Variants in ELAPOR2 observed in about 807,000 individuals in gnomAD.
ELAPOR2 encodes the protein endosome/lysosome-associated apoptosis and autophagy regulator family member 2.
A neutral mutation model predicts 120.7 loss-of-function variants in ELAPOR2; 89 were observed. The ratio of observed to expected loss-of-function variants is 0.74; its 90% confidence interval spans 0.62 to 0.88. ELAPOR2 has a LOEUF of 0.88. Ranked by LOEUF, ELAPOR2 falls within the 40% of genes least tolerant of loss-of-function variation. ELAPOR2 has a pLI of 0.00. For synonymous variants in ELAPOR2, 444 were observed against 444.9 expected (o/e 1.00, Z 0.03); for missense variants, 1,134 against 1,251.6 (o/e 0.91, Z 1.42).
chr7:87,047,202 C>G (rs1362940990), intron 1 of ELAPOR2, among the ~76,000 whole-genome samples: 3 of 152,140 alleles, frequency 2.0e-5, no homozygotes, highest in Admixed American at 6.5e-5. Flanking sequence ...TGGATTAAAA[C>G]TTAAATCGAA....
intron 3 of ELAPOR2, among the ~76,000 whole-genome samples, chr7:86,946,240 A>G (rs1791003610): frequency 1.3e-5 from 2 of 152,142 alleles, no homozygotes; most frequent in African/African-American, 4.8e-5. Flanking sequence ...AGACTTAACA[A>G]TACAAATGTT....
chr7:86,948,721 G>C (rs1791109560), intron 2 of ELAPOR2, among the ~76,000 whole-genome samples: 1 of 151,768 alleles, frequency 6.6e-6, no homozygotes, highest in African/African-American at 2.4e-5. Context: ...GTGAAGAATA[G>C]TTGACACACT....
chr7:86,969,981 G>A (rs924213761), intron 1 of ELAPOR2, among the ~76,000 whole-genome samples: 4 of 152,182 alleles, frequency 2.6e-5, no homozygotes, highest in African/African-American at 9.7e-5. Context: ...GTGGTAAGCA[G>A]CAAGATCAAG....
chr7:86,999,517 G>A, intron 1 of ELAPOR2, among the ~76,000 whole-genome samples: 1 of 152,030 alleles, frequency 6.6e-6, no homozygotes, highest in East Asian at 1.9e-4. Flanking sequence ...GCAGAGTAAA[G>A]AATAAAAATG....
intron 19 of ELAPOR2, among the ~76,000 whole-genome samples, chr7:86,894,330 G>A (rs1449072529): frequency 6.6e-6 from 1 of 151,950 alleles, no homozygotes; most frequent in Non-Finnish European, 1.5e-5. Context: ...GAAATGCTGA[G>A]GCATGTTCAA....
intron 1 of ELAPOR2, among the ~76,000 whole-genome samples, chr7:87,022,147 T>A (rs1368581331): frequency 1.3e-5 from 2 of 152,104 alleles, no homozygotes. Flanking sequence ...GTTACATATG[T>A]ATACATGTGC....
At position 86,979,853 on chromosome 7, in the gene ELAPOR2, T is replaced by C. The variant is rs148586512; in HGVS notation, c.190-14829A>G. On this transcript the variant is annotated intron_variant, in intron 1 of 21. Coordinates refer to ENST00000450689, the MANE Select transcript of ELAPOR2 (RefSeq NM_001142749.3). ...GGGTGTCCAAGGGAGAGAATACAGT[T>C]GTGGGTTCTTCGTTTCTGTTTCTGG... Among the ~76,000 whole-genome samples the C allele has an allele frequency of 8.4e-3, 1,278 of 152,304 alleles. 21 individuals carry two copies. The highest frequency in any genetic ancestry group is 0.03 in the African/African-American group (1,229 of 41,554).
rs116320529 is a variant in ELAPOR2 at position 86,937,195 on chromosome 7, A to G, written c.1089+931T>C. 2.5e-3 allele frequency among the ~76,000 whole-genome samples: 373 copies of G among 152,160 alleles called. 1 individual carries two copies. The highest frequency in any genetic ancestry group is 8.7e-3 in the African/African-American group (361 of 41,530). The stretch of plus-strand genomic sequence containing the variant: ...AATAGTTGTACTTCTTATCATTGCA[A>G]TTTGCCACTAATTTAAACTAGAATG... On this transcript the variant is annotated intron_variant, in intron 8 of 21. Transcript: ENST00000450689.
chr7:86,993,418 A>C lies in ELAPOR2; in HGVS notation c.190-28394T>G, dbSNP rs1250006869. 2.0e-5 allele frequency among the ~76,000 whole-genome samples: 3 copies of C among 152,124 alleles called. 1 individual carries two copies. The highest frequency in any genetic ancestry group is 2.0e-4 in the Admixed American group (3 of 15,274). ...ACATAGCCCTGCCCTCTAGAGGAAC[A>C]AATAGAGGAATCAAAGAGATGAGTT... On this transcript the variant is annotated intron_variant, in intron 1 of 21. Coordinates refer to ENST00000450689, the MANE Select transcript of ELAPOR2 (RefSeq NM_001142749.3).
chr7:86,886,844 T>C (rs1457774042), intron 21 of ELAPOR2, among the ~76,000 whole-genome samples: 1 of 152,106 alleles, frequency 6.6e-6, no homozygotes, highest in Non-Finnish European at 1.5e-5. Flanking sequence ...GAGGTTCTAC[T>C]ACATGTTGGG....
chr7:86,958,667 T>G (rs1314243949), intron 2 of ELAPOR2, among the ~76,000 whole-genome samples: 1 of 152,162 alleles, frequency 6.6e-6, no homozygotes, highest in Non-Finnish European at 1.5e-5. Context: ...TTCATCCTGT[T>G]TCCTATACCT....
chr7:86,954,511 G>A (rs1301050027), intron 2 of ELAPOR2, among the ~76,000 whole-genome samples: 1 of 152,028 alleles, frequency 6.6e-6, no homozygotes, highest in Non-Finnish European at 1.5e-5. Context: ...AACAGCAATA[G>A]TAAGTAATAA....
chr7:87,010,909 T>C (rs1319926634), intron 1 of ELAPOR2, among the ~76,000 whole-genome samples: 1 of 152,028 alleles, frequency 6.6e-6, no homozygotes, highest in Non-Finnish European at 1.5e-5. Flanking sequence ...ATGTTACTTT[T>C]AAAATAAAGG....
intron 9 of ELAPOR2, among the ~76,000 whole-genome samples, chr7:86,926,375 GA>G (rs1280632814): frequency 1.3e-5 from 2 of 151,956 alleles, no homozygotes; most frequent in African/African-American, 4.8e-5. Flanking sequence ...TCTCAATGAT[GA>G]TGAGCCAGAT....
chr7:87,054,191 C>T (rs1795197044), intron 1 of ELAPOR2, among the ~76,000 whole-genome samples: 1 of 151,934 alleles, frequency 6.6e-6, no homozygotes. Context: ...GAAAAGCAAC[C>T]AAAATGTGGC....
chr7:86,995,565 A>T (rs1034209900), intron 1 of ELAPOR2, among the ~76,000 whole-genome samples: 2 of 152,206 alleles, frequency 1.3e-5, no homozygotes, highest in African/African-American at 4.8e-5. Context: ...AAGCTATATG[A>T]TGCAATAACA....
intron 1 of ELAPOR2, among the ~76,000 whole-genome samples, chr7:86,980,217 T>A (rs1767715): frequency 0.38 from 57,538 of 152,062 alleles, 11,726 homozygotes; most frequent in African/African-American, 0.53. Flanking sequence ...ATAGTGCCTT[T>A]GAATTAAGGA....
At chr7:86,944,433 A>T (rs1245163607) in intron 4 of ELAPOR2, among the ~76,000 whole-genome samples, 1 of 152,164 alleles carries the variant, frequency 6.6e-6, no homozygotes, top group Non-Finnish European at 1.5e-5. Context: ...TTCTGAAAAA[A>T]AATTGCTCAT....
intron 1 of ELAPOR2, among the ~76,000 whole-genome samples, chr7:87,009,439 T>C (rs1171415382): frequency 1.3e-5 from 2 of 152,170 alleles, no homozygotes; most frequent in Non-Finnish European, 2.9e-5. Context: ...AAGAGACAGT[T>C]TGCCTTGGGA....
Sources: gnomAD v4.1 joint callset for allele counts (sites outside exome capture counted in the v4.1 genomes callset) on GRCh38, gnomAD v4.1.1 for gene constraint, MANE v1.5 for transcripts, NCBI Gene and HGNC (gene_info 2026-07-23, HGNC 2026-07-21) for gene names.